TNS3: variants seen among roughly 807,000 people sequenced by gnomAD.
The protein encoded by TNS3 is tensin-3.
In TNS3, 45 loss-of-function variants were observed where a neutral mutation model predicts 140.9. The ratio of observed to expected loss-of-function variants is 0.32; its 90% CI spans 0.25 to 0.41. The LOEUF (loss-of-function observed/expected upper bound fraction) is 0.41. Ranked by LOEUF, TNS3 falls within the 10% of genes least tolerant of loss-of-function variation. TNS3 has a pLI of 1.00. For synonymous variants in TNS3, 815 were observed against 788.4 expected, an observed-to-expected ratio of 1.03 and a Z score of -0.56; for missense variants, 1,716 against 1,906.7, an observed-to-expected ratio of 0.90 and a Z score of 1.86.
At chr7:47,464,983 G>T (rs1003289610) in intron 4 of TNS3, among the ~76,000 whole-genome samples, 1 of 152,158 alleles carries the variant, frequency 6.6e-6, no homozygotes, top group East Asian at 1.9e-4. Flanking sequence ...GGATGCCTGC[G>T]CCTTGGCCCT....
At chr7:47,436,507 G>T (rs545796741) in intron 7 of TNS3, among the ~76,000 whole-genome samples, 134 of 152,228 alleles carry the variant, frequency 8.8e-4, no homozygotes, top group African/African-American at 3.0e-3. Flanking sequence ...TAGATGACAG[G>T]TTGATAGGTG....
At chr7:47,528,875 G>A (rs897116988) in intron 2 of TNS3, among the ~76,000 whole-genome samples, 161 bp downstream of exon 2, 2 of 152,092 alleles carry the variant, frequency 1.3e-5, no homozygotes, top group Admixed American at 1.3e-4. Flanking sequence ...AATACGGTTG[G>A]CCCCTGCTAA....
At chr7:47,353,072 A>T (rs964817526) in intron 17 of TNS3, among the ~76,000 whole-genome samples, 1 of 152,162 alleles carries the variant, frequency 6.6e-6, no homozygotes, top group African/African-American at 2.4e-5. Context: ...TACCAGGATC[A>T]ATGCTCACCT....
chr7:47,527,918 A>C lies in TNS3; in HGVS notation c.-153+1118T>G, dbSNP rs1475383684. On this transcript the variant is annotated intron_variant, in intron 2 of 30. Coordinates refer to ENST00000311160, the MANE Select transcript of TNS3 (RefSeq NM_022748.12). ...CGAGACCCTGTCTCCAAAAAAAAAA[A>C]AAAAAGTTTTGAATCACAGGATGTC... 2.6e-5 allele frequency among the ~76,000 whole-genome samples: 4 copies of C among 152,224 alleles called. No individual in the cohort carries two copies. In the East Asian group the frequency reaches 5.8e-4, roughly 22 times the overall value.
chr7:47,302,234 G>C lies in TNS3; in HGVS notation c.3496C>G (p.Gln1166Glu). 6.2e-7 allele frequency: 1 copy of C among 1,614,200 alleles called. No homozygotes were observed. The highest frequency in any genetic ancestry group is 8.5e-7 in the Non-Finnish European group (1 of 1,180,040). Residue 1166 changes from glutamine (Q) to glutamate (E), a missense_variant, in exon 23 of 31, where the codon CAA (glutamine) becomes GAA (glutamate). This residue lies in a region of TNS3 where 1,163 missense variants were observed against 1,182.1 expected (regional missense o/e 0.98). Transcript: ENST00000311160. The stretch of plus-strand genomic sequence containing the variant: ...TTGTACCAGAACTTGGAAGTGTCTT[G>C]AACAAATTTCACGATCACAAGTTTA... ...GDKLVIVKFV[Q>E]DTSKFWYKAD...
intron 24 of TNS3, among the ~76,000 whole-genome samples, chr7:47,296,695 G>A (rs901108736): frequency 6.6e-6 from 1 of 152,262 alleles, no homozygotes; most frequent in East Asian, 1.9e-4. Flanking sequence ...TATAAAAAAT[G>A]TGTTTGCCTG....
intron 16 of TNS3, among the ~76,000 whole-genome samples, chr7:47,371,742 T>C (rs772059070): frequency 1.3e-5 from 2 of 150,572 alleles, no homozygotes; most frequent in African/African-American, 2.5e-5. Context: ...AAATGGAAAA[T>C]GCAATGCATT....
In TNS3 at chr7:47,444,799, C is replaced by CA. The variant is rs200948677; in HGVS notation, c.-75-2745dup. On this transcript the variant is annotated intron_variant, in intron 4 of 30. Transcript: ENST00000311160. Reference sequence around the variant, plus strand: ...TTGCAACCACTGCCAAAAAAACAAACAAAAAAAACCTTTTAAACCAATAGT... The same window carrying CA: ...TTGCAACCACTGCCAAAAAAACAAACAAAAAAAAACCTTTTAAACCAATAGT... Among the ~76,000 whole-genome samples the CA allele has an allele frequency of 6.7e-3, 1,025 of 152,010 alleles. 13 individuals carry two copies. Among genetic ancestry groups the CA allele is most frequent in the African/African-American group, 0.023 (964 of 41,450 alleles).
chr7:47,558,195 A>T (rs1800247156), intron 1 of TNS3, among the ~76,000 whole-genome samples: 1 of 152,190 alleles, frequency 6.6e-6, no homozygotes, highest in South Asian at 2.1e-4. Flanking sequence ...GTAGGTTCCC[A>T]ACATAAAAGG....
chr7:47,582,377 T>C, upstream of TNS3: 1 of 455,616 alleles, frequency 2.2e-6, no homozygotes, highest in South Asian at 1.6e-5. Context: ...CAGCCCAGGC[T>C]CCAAGTGGTC....
chr7:47,577,829 G>A (rs1223576146), intron 1 of TNS3, among the ~76,000 whole-genome samples: 1 of 152,152 alleles, frequency 6.6e-6, no homozygotes, highest in African/African-American at 2.4e-5. Flanking sequence ...CCTGCCCAGC[G>A]CTGGGGTGGA....
At chr7:47,551,440 G>A (rs903311055) in intron 1 of TNS3, among the ~76,000 whole-genome samples, 1 of 152,194 alleles carries the variant, frequency 6.6e-6, no homozygotes. Context: ...TGTGGCTGGA[G>A]CCCTGGGTGT....
intron 4 of TNS3, among the ~76,000 whole-genome samples, chr7:47,471,703 G>C (rs554734442): frequency 7.9e-5 from 12 of 152,360 alleles, no homozygotes; most frequent in African/African-American, 2.4e-4. Flanking sequence ...CGGCAGTTTG[G>C]AGAAGGGGCC....
At chr7:47,350,687 G>A (rs978727850) in intron 17 of TNS3, among the ~76,000 whole-genome samples, 4 of 152,186 alleles carry the variant, frequency 2.6e-5, no homozygotes, top group Non-Finnish European at 4.4e-5. Flanking sequence ...CACAGGGGAC[G>A]AGTCCTCAAA....
At chr7:47,504,876 A>C (rs953393681) in intron 3 of TNS3, among the ~76,000 whole-genome samples, 1 of 152,156 alleles carries the variant, frequency 6.6e-6, no homozygotes, top group Non-Finnish European at 1.5e-5. Context: ...ATTTCCCCAC[A>C]CTGTGATCTG....
chr7:47,329,609 T>C lies in TNS3; in HGVS notation c.2650+15146A>G, dbSNP rs190986960. Among the ~76,000 whole-genome samples, 146 of 152,190 alleles carry C rather than the reference T, an allele frequency of 9.6e-4. 2 individuals are homozygous for C. The highest frequency in any genetic ancestry group is 3.4e-3 in the African/African-American group (143 of 41,538). ...TGAGTAGGCATTTCCTCCCTGGTTG[T>C]TTATGTGTTGCAGAGCAGCAGCTCC... is the stretch of plus-strand genomic sequence containing the variant. On this transcript the variant is annotated intron_variant, in intron 20 of 30. Transcript: ENST00000311160.
chr7:47,275,973 G>A lies in TNS3; in HGVS notation c.*2103C>T, dbSNP rs566909437. 4.0e-5 allele frequency: 17 copies of A among 421,218 alleles called. No individual in the cohort carries two copies. Among genetic ancestry groups the A allele is most frequent in the South Asian group, 2.9e-4 (17 of 58,518 alleles). 26.1% of individuals were successfully genotyped at this position (421,218 alleles called of 1,614,324 possible). A position where few individuals can be genotyped will look rare whatever the true frequency, so the allele number is the denominator to read the frequency against. ...GAGCTCTCTCATCCTTCATCAGAAG[G>A]ATAAGGAACCTGGCCTGCACTCTTT... On this transcript the variant is annotated 3_prime_UTR_variant, in exon 31 of 31. Transcript: ENST00000311160.
At chr7:47,383,972 GAC>G (rs1431458513) in intron 16 of TNS3, among the ~76,000 whole-genome samples, 1 of 152,220 alleles carries the variant, frequency 6.6e-6, no homozygotes, top group Admixed American at 6.5e-5. Context: ...CATAAGGAGA[GAC>G]ACATGAAAGT....
intron 16 of TNS3, among the ~76,000 whole-genome samples, chr7:47,373,008 C>T (rs1791165896): frequency 6.6e-6 from 1 of 152,054 alleles, no homozygotes; most frequent in South Asian, 2.1e-4. Flanking sequence ...ATCCCAGGAG[C>T]TCCACAGACA....
Sources: allele counts gnomAD v4.1 joint callset (sites outside exome capture counted in the v4.1 genomes callset), GRCh38; gene constraint gnomAD v4.1.1; regional missense constraint gnomAD v4.1.1; transcripts MANE v1.5; gene names NCBI Gene and HGNC (gene_info 2026-07-23, HGNC 2026-07-21).